Variants in SLC25A21 observed in about 807,000 individuals in gnomAD.
SLC25A21 encodes solute carrier family 25 member 21.
A neutral mutation model predicts 43.8 loss-of-function variants in SLC25A21; 47 were observed. The observed-to-expected ratio is 1.07, with a 90% CI of 0.85 to 1.37. The LOEUF (loss-of-function observed/expected upper bound fraction) is 1.37, where lower values mean the gene tolerates loss of function less well. Among genes scored for constraint, SLC25A21 ranks in the 40% most tolerant of loss-of-function variants. The pLI is 0.00. For missense variants in SLC25A21, 352 were observed against 350.2 expected, an observed-to-expected ratio of 1.00 and a Z score of -0.04; for synonymous variants, 131 against 121.3, an observed-to-expected ratio of 1.08 and a Z score of -0.52.
intron 1 of SLC25A21, among the ~76,000 whole-genome samples, chr14:36,897,810 G>A (rs912516781): frequency 4.6e-5 from 7 of 152,222 alleles, no homozygotes; most frequent in African/African-American, 1.2e-4. Context: ...TCCAGACACT[G>A]TTTGCCTGGG....
intron 2 of SLC25A21, among the ~76,000 whole-genome samples, chr14:36,853,338 A>G (rs1405471510): frequency 1.3e-5 from 2 of 152,242 alleles, no homozygotes; most frequent in South Asian, 2.1e-4. Flanking sequence ...GCTTCTCATC[A>G]TAACACTACA....
intron 3 of SLC25A21, among the ~76,000 whole-genome samples, chr14:36,810,867 A>G (rs1340179090): frequency 6.6e-6 from 1 of 152,104 alleles, no homozygotes; most frequent in Non-Finnish European, 1.5e-5. Context: ...TTTATACAGC[A>G]TATGTAGAGA....
chr14:37,081,208 C>T (rs1962381101), intron 1 of SLC25A21, among the ~76,000 whole-genome samples: 1 of 152,188 alleles, frequency 6.6e-6, no homozygotes, highest in Non-Finnish European at 1.5e-5. Context: ...ACAGGCATTA[C>T]AATGTTACCT....
chr14:37,009,367 T>C (rs1369774530), intron 1 of SLC25A21, among the ~76,000 whole-genome samples: 1 of 152,034 alleles, frequency 6.6e-6, no homozygotes, highest in African/African-American at 2.4e-5. Context: ...ATGCCTGTAA[T>C]CCCAGCTACT....
At position 36,680,686 on chromosome 14, in the gene SLC25A21, G is replaced by T. The variant is rs1166348180; in HGVS notation, c.872C>A (p.Thr291Asn). ...CCAGTTCTCTTGAAGCCATGAATAG[G>T]TGTATTCATAAACCAGCAGCATCAC... The part of the protein sequence containing the change: ...GAVMLLVYEY[T>N]YSWLQENW The change falls in exon 10 of 10, where the codon ACC becomes AAC. Residue 291 changes from threonine to asparagine, a missense_variant. Coordinates refer to ENST00000331299, the MANE Select transcript of SLC25A21 (RefSeq NM_030631.4). 2 of 1,612,828 alleles carry T rather than the reference G, an allele frequency of 1.2e-6. No individual in the cohort carries two copies. Among genetic ancestry groups the T allele is most frequent in the Admixed American group, 1.7e-5 (1 of 59,848 alleles).
intron 1 of SLC25A21, among the ~76,000 whole-genome samples, chr14:37,016,054 C>T (rs1466682373): frequency 1.4e-4 from 21 of 151,948 alleles, no homozygotes; most frequent in African/African-American, 3.6e-4. Context: ...TAATTAGATC[C>T]GATTTGTCAA....
chr14:36,972,661 G>A (rs1325220542), intron 1 of SLC25A21, among the ~76,000 whole-genome samples: 2 of 152,122 alleles, frequency 1.3e-5, no homozygotes, highest in Non-Finnish European at 2.9e-5. Context: ...GAGGTTTAGA[G>A]AATTCAAAGC....
chr14:37,090,528 C>T (rs1331361423), intron 1 of SLC25A21, among the ~76,000 whole-genome samples: 1 of 152,170 alleles, frequency 6.6e-6, no homozygotes, highest in Non-Finnish European at 1.5e-5. Context: ...TCACTACATC[C>T]TATGAGGCTA....
At chr14:36,695,212 G>A (rs1418267194) in intron 7 of SLC25A21, among the ~76,000 whole-genome samples, 1 of 152,194 alleles carries the variant, frequency 6.6e-6, no homozygotes, top group African/African-American at 2.4e-5. Flanking sequence ...TCAAAGATCA[G>A]ATGGTTGTAG....
intron 1 of SLC25A21, among the ~76,000 whole-genome samples, chr14:37,082,606 C>G (rs894838903): frequency 6.6e-6 from 1 of 152,114 alleles, no homozygotes; most frequent in Non-Finnish European, 1.5e-5. Context: ...TCCTAGCGCA[C>G]AGTGGAGTGC....
rs542458022 is a variant in SLC25A21, at chr14:37,064,030, C to A, written c.70+108251G>T. On this transcript the variant is annotated intron_variant, in intron 1 of 9. Coordinates refer to ENST00000331299, the MANE Select transcript of SLC25A21 (RefSeq NM_030631.4). Reference sequence around the variant, plus strand: ...TTCAGGTGTGTCTGTAAGGGTGTTTCCAGGAAAGATTGATGGATGAGTCAG... The same window carrying A: ...TTCAGGTGTGTCTGTAAGGGTGTTTACAGGAAAGATTGATGGATGAGTCAG... Among the ~76,000 whole-genome samples the A allele has an allele frequency of 2.0e-5, 3 of 152,190 alleles. No individual in the cohort carries two copies. In the South Asian group the frequency reaches 6.2e-4, roughly 32 times the overall value.
intron 1 of SLC25A21, among the ~76,000 whole-genome samples, chr14:37,105,583 AAG>A (rs1445354696): frequency 6.6e-6 from 1 of 152,174 alleles, no homozygotes; most frequent in Non-Finnish European, 1.5e-5. Context: ...TTAAGAAGAA[AAG>A]AGAGTCAGCG....
chr14:36,832,068 T>A (rs1297498233), intron 2 of SLC25A21, among the ~76,000 whole-genome samples: 1 of 152,164 alleles, frequency 6.6e-6, no homozygotes, highest in Non-Finnish European at 1.5e-5. Flanking sequence ...CATAAGGGAC[T>A]GTCAGTGTAG....
intron 1 of SLC25A21, among the ~76,000 whole-genome samples, chr14:37,010,389 A>G (rs1341936021): frequency 6.6e-6 from 1 of 152,208 alleles, no homozygotes; most frequent in African/African-American, 2.4e-5. Flanking sequence ...TTTGAAGTTC[A>G]CTCATACATT....
chr14:37,072,158 C>T (rs938593216), intron 1 of SLC25A21, among the ~76,000 whole-genome samples: 9 of 122,056 alleles, frequency 7.4e-5, no homozygotes, highest in Admixed American at 3.0e-4. Flanking sequence ...CTCCAGCCTG[C>T]GTGACAGAGT....
intron 1 of SLC25A21, among the ~76,000 whole-genome samples, chr14:36,932,009 G>A (rs1490910179): frequency 6.6e-6 from 1 of 152,086 alleles, no homozygotes; most frequent in African/African-American, 2.4e-5. Flanking sequence ...CATGAAATAT[G>A]ATCCTTTTGG....
At chr14:36,814,047 A>C in intron 2 of SLC25A21, 46 bp from the exon 3 acceptor site, 1 of 1,348,710 alleles carries the variant, frequency 7.4e-7, no homozygotes, top group Non-Finnish European at 1.0e-6. Flanking sequence ...AGATTTTGCC[A>C]AATGGCTTTT....
At chr14:36,696,509 T>C (rs1883030281) in intron 7 of SLC25A21, among the ~76,000 whole-genome samples, 1 of 152,208 alleles carries the variant, frequency 6.6e-6, no homozygotes, top group Non-Finnish European at 1.5e-5. Flanking sequence ...GTACCTCTGG[T>C]AGAATTCAGC....
chr14:36,699,650 C>T (rs1307379457), intron 7 of SLC25A21, among the ~76,000 whole-genome samples: 1 of 152,156 alleles, frequency 6.6e-6, no homozygotes, highest in African/African-American at 2.4e-5. Flanking sequence ...CAAGCCTAAG[C>T]GATGGTGGAT....
Sources: allele counts gnomAD v4.1 joint callset (sites outside exome capture counted in the v4.1 genomes callset), GRCh38; gene constraint gnomAD v4.1.1; transcripts MANE v1.5; gene names NCBI Gene and HGNC (gene_info 2026-07-23, HGNC 2026-07-21).